The following COBL variants were observed in gnomAD, a reference collection of about 807,000 sequenced individuals.
COBL encodes the protein cordon-bleu WH2 repeat protein, also known as protein cordon-bleu.
In COBL, 51 loss-of-function variants were observed where a neutral mutation model predicts 98.8. The observed-to-expected ratio is 0.52, with a 90% CI of 0.41 to 0.65. The LOEUF (loss-of-function observed/expected upper bound fraction) is 0.65. Ranked by LOEUF, COBL falls within the 30% of genes least tolerant of loss-of-function variation. COBL has a pLI of 0.00. For missense variants in COBL, 1,617 were observed against 1,617.5 expected, an observed-to-expected ratio of 1.00 and a Z score of 0.01; for synonymous variants, 634 against 651.7, an observed-to-expected ratio of 0.97 and a Z score of 0.41.
At chr7:51,071,710 C>T (rs1045222068) in intron 7 of COBL, 1 of 152,174 alleles carries the variant, frequency 6.6e-6, no homozygotes, top group Non-Finnish European at 1.5e-5. Flanking sequence ...GCCCATCTTT[C>T]TTCAGCATAA....
At chr7:51,168,136 T>C (rs535810775) in intron 5 of COBL, among the ~76,000 whole-genome samples, 7 of 152,146 alleles carry the variant, frequency 4.6e-5, no homozygotes, top group Non-Finnish European at 8.8e-5. Flanking sequence ...ACCCAGATAA[T>C]AGGAGAAAAC....
At chr7:51,196,557 T>G (rs1265301877) in intron 2 of COBL, among the ~76,000 whole-genome samples, 1 of 151,996 alleles carries the variant, frequency 6.6e-6, no homozygotes, top group Non-Finnish European at 1.5e-5. Flanking sequence ...TTTATTTATT[T>G]ATTTATTTGG....
intron 7 of COBL, among the ~76,000 whole-genome samples, chr7:51,070,181 C>T (rs781758122): frequency 6.6e-6 from 1 of 152,034 alleles, no homozygotes; most frequent in South Asian, 2.1e-4. Context: ...ACCAATTATG[C>T]GTTGCTATTG....
intron 5 of COBL, among the ~76,000 whole-genome samples, chr7:51,164,928 C>T (rs1458744950): frequency 4.6e-5 from 7 of 151,732 alleles, no homozygotes; most frequent in Admixed American, 2.0e-4. Context: ...GTTTATGCAG[C>T]GTTATGTTCT....
At chr7:51,141,424 CTG>C (rs1799735791) in intron 5 of COBL, among the ~76,000 whole-genome samples, 1 of 152,160 alleles carries the variant, frequency 6.6e-6, no homozygotes. Flanking sequence ...GTGAGAAAAA[CTG>C]AGGCCCAGAC....
chr7:51,102,909 A>G (rs549588398), intron 6 of COBL, among the ~76,000 whole-genome samples: 49 of 152,306 alleles, frequency 3.2e-4, no homozygotes, highest in Non-Finnish European at 5.6e-4. Flanking sequence ...TGAGGGGAAG[A>G]GGGAAATGGG....
At chr7:51,243,064 G>A (rs1385917553) in intron 1 of COBL, among the ~76,000 whole-genome samples, 7 of 152,194 alleles carry the variant, frequency 4.6e-5, no homozygotes, top group East Asian at 3.9e-4. Context: ...TGTTAAACTC[G>A]CCTTGGTGGC....
chr7:51,299,272 T>C (rs954169736), intron 1 of COBL, among the ~76,000 whole-genome samples: 18 of 152,248 alleles, frequency 1.2e-4, no homozygotes, highest in African/African-American at 4.3e-4. Context: ...GTCCACTGCC[T>C]GTCTGCCCAG....
intron 1 of COBL, among the ~76,000 whole-genome samples, chr7:51,257,211 C>T (rs1797271160): frequency 6.6e-6 from 1 of 152,080 alleles, no homozygotes. Context: ...ACATGGTGTG[C>T]AATAGTGAAT....
intron 1 of COBL, among the ~76,000 whole-genome samples, chr7:51,314,287 T>C (rs1049320097): frequency 6.6e-6 from 1 of 152,184 alleles, no homozygotes; most frequent in African/African-American, 2.4e-5. Flanking sequence ...CCACATCAGT[T>C]TGTTATCATG....
intron 5 of COBL, among the ~76,000 whole-genome samples, chr7:51,144,731 C>A (rs2129015119): frequency 6.6e-6 from 1 of 152,226 alleles, no homozygotes; most frequent in East Asian, 1.9e-4. Flanking sequence ...CCTGGACAAA[C>A]CCCAGTTTGC....
chr7:51,278,388 T>TTTC (rs1469332509), intron 1 of COBL, among the ~76,000 whole-genome samples: 1 of 149,026 alleles, frequency 6.7e-6, no homozygotes, highest in Non-Finnish European at 1.5e-5. Context: ...TCTTTTTTTT[T>TTTC]TTTTTTTTTT....
At chr7:51,310,373 G>C (rs1166061954) in intron 1 of COBL, among the ~76,000 whole-genome samples, 1 of 152,200 alleles carries the variant, frequency 6.6e-6, no homozygotes, top group African/African-American at 2.4e-5. Flanking sequence ...TTGTTCCTGA[G>C]ACAATTTTCT....
chr7:51,273,344 A>G (rs531846515), intron 1 of COBL, among the ~76,000 whole-genome samples: 587 of 151,810 alleles, frequency 3.9e-3, no homozygotes, highest in African/African-American at 0.014. Context: ...AAAAAAAAAA[A>G]AAGAAAAAGA....
At chr7:51,070,837 C>T (rs761878613) in intron 7 of COBL, 3 of 152,140 alleles carry the variant, frequency 2.0e-5, no homozygotes, top group Non-Finnish European at 2.9e-5. Context: ...GTTTCATCTA[C>T]AGAACTAGGA....
chr7:51,157,029 T>C (rs535187894), intron 5 of COBL, among the ~76,000 whole-genome samples: 1 of 152,314 alleles, frequency 6.6e-6, no homozygotes, highest in South Asian at 2.1e-4. Flanking sequence ...TCAGGCTTGA[T>C]TCTCCTATTG....
chr7:51,191,289 T>C (rs1179882692), intron 3 of COBL, among the ~76,000 whole-genome samples: 1 of 152,118 alleles, frequency 6.6e-6, no homozygotes, highest in East Asian at 1.9e-4. Flanking sequence ...CTCTTGCTAG[T>C]GAACAAGCTG....
intron 8 of COBL, chr7:51,034,767 A>C (rs1282734907): frequency 6.6e-6 from 1 of 152,162 alleles, no homozygotes; most frequent in Non-Finnish European, 1.5e-5. Context: ...ACCTGCCCAG[A>C]TGTTTTTCTC....
intron 2 of COBL, among the ~76,000 whole-genome samples, chr7:51,217,905 T>C (rs540639230): frequency 6.9e-4 from 105 of 152,350 alleles, no homozygotes; most frequent in African/African-American, 2.4e-3. Context: ...GGAAAGCCTA[T>C]CGAACTGCCG....
Sources: gnomAD v4.1 joint callset for allele counts (sites outside exome capture counted in the v4.1 genomes callset) on GRCh38, gnomAD v4.1.1 for gene constraint, MANE v1.5 for transcripts, NCBI Gene and HGNC (gene_info 2026-07-23, HGNC 2026-07-21) for gene names.